The following EVL variants were observed in gnomAD, a reference collection of about 807,000 sequenced individuals.
The protein encoded by EVL is Enah/Vasp-like.
A neutral mutation model predicts 59.6 loss-of-function variants in EVL; 21 were observed. That is an observed-to-expected ratio of 0.35 (90% CI 0.25 to 0.51). EVL has a LOEUF of 0.51. Ranked by LOEUF, EVL falls within the 20% of genes least tolerant of loss-of-function variation. The pLI is 0.97. For synonymous variants in EVL, 198 were observed against 203.5 expected (o/e 0.97, Z 0.23); for missense variants, 462 against 546.6 (o/e 0.85, Z 1.54).
intron 1 of EVL, among the ~76,000 whole-genome samples, chr14:100,069,244 A>G (rs2061999208): frequency 6.6e-6 from 1 of 152,182 alleles, no homozygotes; most frequent in African/African-American, 2.4e-5. Context: ...CTGGTGTGGC[A>G]TGTTAGAGAA....
intron 3 of EVL, among the ~76,000 whole-genome samples, chr14:100,112,882 A>G (rs1408268095): frequency 1.3e-5 from 2 of 152,214 alleles, no homozygotes; most frequent in Non-Finnish European, 2.9e-5. Context: ...CTATGACCCC[A>G]TCTGTGAATT....
chr14:100,046,527 C>T (rs904037712), intron 1 of EVL, among the ~76,000 whole-genome samples: 18 of 151,916 alleles, frequency 1.2e-4, no homozygotes, highest in African/African-American at 4.1e-4. Flanking sequence ...ATCAGCTGCA[C>T]GTGTTGGCGC....
chr14:100,016,797 A>G (rs547623021), intron 1 of EVL, among the ~76,000 whole-genome samples: 1 of 152,192 alleles, frequency 6.6e-6, no homozygotes, highest in Non-Finnish European at 1.5e-5. Context: ...CCCCAATGCC[A>G]TGTCAGCTGA....
chr14:100,128,994 G>A (rs998388912), intron 6 of EVL, among the ~76,000 whole-genome samples: 4 of 152,196 alleles, frequency 2.6e-5, no homozygotes, highest in Non-Finnish European at 5.9e-5. Flanking sequence ...TCCCCCTTTA[G>A]AGATGAGGAA....
intron 1 of EVL, among the ~76,000 whole-genome samples, chr14:100,023,448 C>T (rs2061161551): frequency 6.7e-6 from 1 of 149,674 alleles, no homozygotes; most frequent in Non-Finnish European, 1.5e-5. Context: ...CTGTCTCAGC[C>T]TCCCGAGTAG....
Position 100,097,536 on chromosome 14 carries a change from C to T in EVL, c.236C>T (p.Thr79Ile). 1.2e-6 allele frequency: 2 copies of T among 1,614,176 alleles called. No homozygotes were observed. Among genetic ancestry groups the T allele is most frequent in the Non-Finnish European group, 1.7e-6 (2 of 1,180,000 alleles). The change falls in exon 3 of 14, where the codon ACC becomes ATC. Residue 79 changes from threonine to isoleucine, a missense_variant. By Grantham distance (89) the Thr-to-Ile change is moderately conservative. Coordinates refer to ENST00000392920, the MANE Select transcript of EVL (RefSeq NM_016337.3). ...CTGAAGTACAATCAGGCCACGCCAA[C>T]CTTCCACCAGTGGCGAGATGCCCGC... ...KGLKYNQATP[T>I]FHQWRDARQV...
At chr14:100,137,197 T>C (rs1361666867) in intron 9 of EVL, 2 of 276,238 alleles carry the variant, frequency 7.2e-6, no homozygotes, top group South Asian at 6.1e-5. Flanking sequence ...AAGGAGCCCC[T>C]CAGTAGCAGG....
chr14:100,058,944 T>C (rs1414625715), intron 1 of EVL, among the ~76,000 whole-genome samples: 1 of 152,060 alleles, frequency 6.6e-6, no homozygotes, highest in East Asian at 1.9e-4. Context: ...TAAAAGACAG[T>C]AGTAACGTGT....
At chr14:100,083,050 G>A (rs2062347063) in intron 1 of EVL, among the ~76,000 whole-genome samples, 1 of 152,196 alleles carries the variant, frequency 6.6e-6, no homozygotes, top group Non-Finnish European at 1.5e-5. Context: ...CACCTTCCCA[G>A]AGTGCTCCCC....
chr14:100,030,321 C>G (rs1389836942), intron 1 of EVL, among the ~76,000 whole-genome samples: 1 of 151,918 alleles, frequency 6.6e-6, no homozygotes, highest in African/African-American at 2.4e-5. Flanking sequence ...AGCCTGCTCT[C>G]AAACTCCCGA....
chr14:100,064,946 C>G (rs1290418511), upstream of EVL, among the ~76,000 whole-genome samples: 2 of 152,160 alleles, frequency 1.3e-5, no homozygotes, highest in Non-Finnish European at 2.9e-5. Flanking sequence ...AGCTTATAGC[C>G]TTTATCATCT....
rs61264203 is a variant in EVL, at chr14:100,087,765, CCTGCT to C, written c.180+2935_180+2939del. ...GGTCCAGAAGAAGGGAGACTGCAGT[CCTGCT>C]CTGCTCTGCTCTGCTCTGCTCTGCG... On this transcript the variant is annotated intron_variant, in intron 2 of 13. Coordinates refer to ENST00000392920, the MANE Select transcript of EVL (RefSeq NM_016337.3). Among the ~76,000 whole-genome samples the C allele has an allele frequency of 1.8e-4, 28 of 151,934 alleles. No homozygotes were observed. In the South Asian group the frequency reaches 3.1e-3, roughly 17 times the overall value.
intron 1 of EVL, among the ~76,000 whole-genome samples, chr14:100,033,699 C>CTT (rs2061347268): frequency 6.6e-6 from 1 of 152,212 alleles, no homozygotes; most frequent in South Asian, 2.1e-4. Flanking sequence ...AGCATATGTA[C>CTT]TTGTAGCCTT....
intron 1 of EVL, among the ~76,000 whole-genome samples, chr14:100,010,765 G>A (rs886760287): frequency 6.6e-6 from 1 of 152,144 alleles, no homozygotes; most frequent in Admixed American, 6.6e-5. Flanking sequence ...TTGTTATATT[G>A]GAAAGAAAAG....
intron 1 of EVL, among the ~76,000 whole-genome samples, chr14:99,973,499 G>T (rs1372849626): frequency 2.6e-5 from 4 of 152,206 alleles, no homozygotes; most frequent in African/African-American, 7.2e-5. Flanking sequence ...GTCTCGCTCT[G>T]TTGCCCAGGC....
chr14:100,109,968 C>T lies in EVL; in HGVS notation c.358+12310C>T, dbSNP rs1373480461. On this transcript the variant is annotated intron_variant, in intron 3 of 13. Transcript: ENST00000392920. The surrounding 1 kb of genome is among the most constrained non-coding windows in gnomAD (Gnocchi z 4.3). ...CTGTGAAATGGCTGAATCAGACTCA[C>T]CTCACAGGGTTGTTGTGAGGGTACC... Among the ~76,000 whole-genome samples the T allele has an allele frequency of 6.6e-6, 1 of 152,234 alleles. No individual in the cohort carries two copies. Among genetic ancestry groups the T allele is most frequent in the East Asian group, 1.9e-4 (1 of 5,202 alleles).
chr14:100,125,320 G>C (rs925060338), intron 4 of EVL, among the ~76,000 whole-genome samples: 1 of 151,214 alleles, frequency 6.6e-6, no homozygotes, highest in Non-Finnish European at 1.5e-5. Context: ...CTTGTCCCAC[G>C]CAACTTTACT....
chr14:100,006,006 A>AT (rs146223768), intron 1 of EVL, among the ~76,000 whole-genome samples: 1 of 56,040 alleles, frequency 1.8e-5, no homozygotes, highest in African/African-American at 7.3e-5. Flanking sequence ...TTTGCTGGCC[A>AT]TTTCCCCCCC....
intron 1 of EVL, among the ~76,000 whole-genome samples, chr14:100,034,054 C>T (rs1241448236): frequency 1.3e-5 from 2 of 151,102 alleles, no homozygotes; most frequent in Non-Finnish European, 2.9e-5. Flanking sequence ...GGCAAAACCC[C>T]GTCTCTACTA....
Sources: gnomAD v4.1 joint callset for allele counts (sites outside exome capture counted in the v4.1 genomes callset) on GRCh38, gnomAD v4.1.1 for gene constraint, Gnocchi (gnomAD v3.1) non-coding constraint, MANE v1.5 for transcripts, NCBI Gene and HGNC (gene_info 2026-07-23, HGNC 2026-07-21) for gene names.